Variants in PROM1 observed in about 807,000 individuals in gnomAD.
PROM1 encodes the protein prominin 1.
A neutral mutation model predicts 116.9 loss-of-function variants in PROM1; 105 were observed. The observed-to-expected ratio is 0.90, with a 90% CI of 0.77 to 1.06. The LOEUF (loss-of-function observed/expected upper bound fraction) is 1.06. Among genes scored for constraint, PROM1 ranks in the 50% least tolerant of loss-of-function variants. PROM1 has a pLI of 0.00. For missense variants in PROM1, 1,122 were observed against 1,045.2 expected (o/e 1.07, Z -1.01); for synonymous variants, 393 against 387.0 (o/e 1.02, Z -0.18).
Position 16,075,983 on chromosome 4 carries a change from C to T in PROM1, c.-77G>A. The T allele has an allele frequency of 6.7e-7, 1 of 1,481,748 alleles. No individual in the cohort carries two copies. The highest frequency in any genetic ancestry group is 9.0e-7 in the Non-Finnish European group (1 of 1,113,972). The allele number at this position is 1,481,748 out of a possible 1,614,324, so 91.8% of individuals were successfully genotyped here. A position where few individuals can be genotyped will look rare whatever the true frequency, so the allele number is the denominator to read the frequency against. ...GAGCTTCTGGAAGCCTTGGGGAAGG[C>T]AAGCGTGTTCCTGGGCAGAAGAGGA... is the stretch of plus-strand genomic sequence containing the variant. On this transcript the variant is annotated 5_prime_UTR_variant, in exon 2 of 28. Coordinates refer to ENST00000447510, the MANE Select transcript of PROM1 (RefSeq NM_006017.3).
chr4:16,012,819 C>T (rs960238189), intron 11 of PROM1, among the ~76,000 whole-genome samples: 7 of 137,664 alleles, frequency 5.1e-5, no homozygotes, highest in African/African-American at 1.1e-4. Flanking sequence ...TGCAGTGAGC[C>T]GAGATTGTGC....
chr4:15,982,226 C>A (rs2149053684), intron 23 of PROM1, among the ~76,000 whole-genome samples: 1 of 152,314 alleles, frequency 6.6e-6, no homozygotes, highest in East Asian at 1.9e-4. Flanking sequence ...CACCATGAGG[C>A]CAAATGCCAC....
At chr4:15,974,905 C>T (rs1182857959) in intron 26 of PROM1, among the ~76,000 whole-genome samples, 1 of 152,198 alleles carries the variant, frequency 6.6e-6, no homozygotes, top group Admixed American at 6.5e-5. Context: ...CAGTCTCAAG[C>T]TGTGTGAAGG....
chr4:15,970,425 G>A (rs1248113794), intron 27 of PROM1, among the ~76,000 whole-genome samples: 1 of 151,456 alleles, frequency 6.6e-6, no homozygotes, highest in Non-Finnish European at 1.5e-5. Flanking sequence ...TGCCCGCCTC[G>A]GCCTCCCATA....
intron 16 of PROM1, 65 bp from the exon 17 acceptor site, chr4:15,992,456 T>G (rs1721307628): frequency 6.5e-7 from 1 of 1,545,100 alleles, no homozygotes; most frequent in African/African-American, 1.4e-5. Flanking sequence ...CCAAATGCTT[T>G]AAAAGAGCAA....
At chr4:16,052,622 T>C (rs1189671707) in intron 2 of PROM1, among the ~76,000 whole-genome samples, 1 of 152,060 alleles carries the variant, frequency 6.6e-6, no homozygotes, top group East Asian at 1.9e-4. Flanking sequence ...GGACTACAGG[T>C]GCACAACACC....
At chr4:16,077,635 T>TAACC (rs1314502090) in intron 1 of PROM1, among the ~76,000 whole-genome samples, 1 of 152,022 alleles carries the variant, frequency 6.6e-6, no homozygotes, top group Non-Finnish European at 1.5e-5. Context: ...CCCCTTCAAT[T>TAACC]AACCATGCGG....
At chr4:15,989,590 G>T (rs895152241) in intron 19 of PROM1, 142 bp downstream of exon 19, 2 of 722,248 alleles carry the variant, frequency 2.8e-6, no homozygotes, top group Middle Eastern at 2.3e-4. Flanking sequence ...TTGTCTAAAG[G>T]CCAGCTCAAC....
rs182873479 is a variant in PROM1 at position 15,980,150 on chromosome 4, C to T, written c.2490-246G>A. The T allele has an allele frequency of 5.1e-6, 3 of 587,206 alleles. No homozygotes were observed. In the East Asian group the frequency reaches 8.9e-5, roughly 17 times the overall value. The allele number at this position is 587,206 out of a possible 1,614,324, so 36.4% of individuals were successfully genotyped here. On this transcript the variant is annotated intron_variant, in intron 24 of 27. Transcript: ENST00000447510. ...GTTATCATAAAGTGAAATGCCAGGT[C>T]CCCGAGAGAGAGGAACTGCAAACAA...
rs7678033 is a variant in PROM1, at chr4:16,009,125, C to A, written c.1142-17G>T. 2.8e-4 allele frequency: 453 copies of A among 1,606,714 alleles called. 1 individual carries two copies. The African/African-American group carries it at 5.7e-3, about 20-fold the overall frequency. On this transcript the variant is annotated splice_polypyrimidine_tract_variant and intron_variant, in intron 11 of 27. Transcript: ENST00000447510. ...TTTTGATACCTGAAAACAAAGATAC[C>A]TTTGTTATGCATTTGCAAACATGGA...
At chr4:16,011,410 G>A (rs946770599) in intron 11 of PROM1, among the ~76,000 whole-genome samples, 1 of 152,330 alleles carries the variant, frequency 6.6e-6, no homozygotes, top group African/African-American at 2.4e-5. Context: ...AGGTTGGGAT[G>A]AGACAACCTA....
At chr4:16,009,306 C>G (rs1325282196) in intron 11 of PROM1, among the ~76,000 whole-genome samples, 198 bp from the exon 12 acceptor site, 2 of 152,204 alleles carry the variant, frequency 1.3e-5, no homozygotes, top group African/African-American at 4.8e-5. Context: ...AAACAGCAAG[C>G]TGTGAGCACT....
At chr4:16,077,952 T>C (rs1744296200) in intron 1 of PROM1, 1 of 152,274 alleles carries the variant, frequency 6.6e-6, no homozygotes. Context: ...GACCACACCG[T>C]TTGAGGCTGG....
At chr4:15,978,069 T>A (rs1255837496) in intron 26 of PROM1, among the ~76,000 whole-genome samples, 1 of 152,198 alleles carries the variant, frequency 6.6e-6, no homozygotes, top group East Asian at 1.9e-4. Context: ...GGAGCCAGCT[T>A]GCCCTTTCCA....
intron 5 of PROM1, among the ~76,000 whole-genome samples, chr4:16,031,109 T>G (rs1450461841): frequency 6.6e-6 from 1 of 152,188 alleles, no homozygotes; most frequent in African/African-American, 2.4e-5. Context: ...CTTATTCAGG[T>G]AAATAAATAA....
At chr4:16,047,772 T>C (rs1370164527) in intron 2 of PROM1, among the ~76,000 whole-genome samples, 1 of 152,000 alleles carries the variant, frequency 6.6e-6, no homozygotes, top group East Asian at 1.9e-4. Flanking sequence ...AGCAGCTGTG[T>C]TTCAGAGCAG....
chr4:16,062,577 C>T lies in PROM1; in HGVS notation c.220+13110G>A, dbSNP rs895337324. ...AATTTTAAAAGTCTGGGGAGACAAA[C>T]AACAAACTAAAAATCTAGAACTCTG... On this transcript the variant is annotated intron_variant, in intron 2 of 27. Transcript: ENST00000447510. 3.9e-5 allele frequency among the ~76,000 whole-genome samples: 6 copies of T among 152,232 alleles called. No homozygotes were observed. The South Asian group carries it at 8.3e-4, about 21-fold the overall frequency.
At chr4:15,974,669 T>C (rs1715633131) in intron 26 of PROM1, among the ~76,000 whole-genome samples, 1 of 152,198 alleles carries the variant, frequency 6.6e-6, no homozygotes, top group Non-Finnish European at 1.5e-5. Context: ...CAGGGTCTTG[T>C]TGTGTTGCCC....
At chr4:16,007,017 C>T (rs867795872) in intron 12 of PROM1, among the ~76,000 whole-genome samples, 7 of 152,200 alleles carry the variant, frequency 4.6e-5, no homozygotes, top group Non-Finnish European at 8.8e-5. Flanking sequence ...TTCTCCAAGG[C>T]TACTGATGAA....
Sources: allele counts gnomAD v4.1 joint callset (sites outside exome capture counted in the v4.1 genomes callset), GRCh38; gene constraint gnomAD v4.1.1; transcripts MANE v1.5; gene names NCBI Gene and HGNC (gene_info 2026-07-23, HGNC 2026-07-21).